Variants in EPB41L1 observed in about 807,000 individuals in gnomAD.
EPB41L1 encodes band 4.1-like protein 1.
EPB41L1 carries 29 observed loss-of-function variants against 97.8 expected under a neutral mutation model. That is an observed-to-expected ratio of 0.30 (90% CI 0.22 to 0.40). EPB41L1 has a LOEUF of 0.40. Ranked by LOEUF, EPB41L1 falls within the 10% of genes least tolerant of loss-of-function variation. EPB41L1 has a pLI of 1.00. For synonymous variants in EPB41L1, 383 were observed against 459.2 expected (o/e 0.83, Z 2.12); for missense variants, 812 against 1,162.3 (o/e 0.70, Z 4.38).
rs1320061751 is a variant in EPB41L1, at chr20:36,188,635, CACACACAGAGAGAG to C, written c.1026+138_1026+151del. 5.7e-5 allele frequency: 30 copies of C among 529,044 alleles called. No homozygotes were observed. In the African/African-American group the frequency reaches 9.2e-4, roughly 16 times the overall value. 32.8% of individuals were successfully genotyped at this position (529,044 alleles called of 1,614,324 possible). ...ACACACACACACACACACACACACA[CACACACAGAGAGAG>C]AGAGAGAGAGAGAGAGAGAGGAGTC... On this transcript the variant is annotated intron_variant, in intron 9 of 21. Coordinates refer to ENST00000338074, the MANE Select transcript of EPB41L1 (RefSeq NM_012156.2).
In EPB41L1 at chr20:36,190,427, G is replaced by A; in HGVS notation, c.1124+53G>A. 1 of 1,589,756 alleles carries A rather than the reference G, an allele frequency of 6.3e-7. No individual in the cohort carries two copies. Among genetic ancestry groups the A allele is most frequent in the South Asian group, 1.1e-5 (1 of 89,396 alleles). On this transcript the variant is annotated intron_variant, in intron 10 of 21. Transcript: ENST00000338074. The surrounding 1 kb of genome is among the most constrained non-coding windows in gnomAD (Gnocchi z 5.8). ...GGGATGGGGCAGAGGCCATGTGTATGGAGGGGAGCAGGGGGAGGAGTTAGT... is the reference window on the plus strand; with the variant it reads ...GGGATGGGGCAGAGGCCATGTGTATAGAGGGGAGCAGGGGGAGGAGTTAGT...
intron 19 of EPB41L1, among the ~76,000 whole-genome samples, chr20:36,221,305 A>G (rs2063766938): frequency 6.6e-6 from 1 of 152,228 alleles, no homozygotes; most frequent in Non-Finnish European, 1.5e-5. Context: ...TTTCTCTTGT[A>G]GTATTTTTTG....
At chr20:36,123,709 G>A (rs1904322003) in intron 2 of EPB41L1, among the ~76,000 whole-genome samples, 1 of 152,332 alleles carries the variant, frequency 6.6e-6, no homozygotes, top group East Asian at 1.9e-4. Context: ...TTGGATTATA[G>A]GAGTGAGCCA....
rs1296007361 is a variant in EPB41L1 at position 36,207,449 on chromosome 20, AC to A, written c.1669-2038del. 5.4e-6 allele frequency: 7 copies of A among 1,289,684 alleles called. No homozygotes were observed. The Admixed American group carries it at 6.9e-5, about 13-fold the overall frequency. 79.9% of individuals were successfully genotyped at this position (1,289,684 alleles called of 1,614,324 possible). The stretch of plus-strand genomic sequence containing the variant: ...GATATTAGCAAGACCTCAGTGGCCA[AC>A]AAAATTCGGATATTTGAGACCCACG... On this transcript the variant is annotated intron_variant, in intron 14 of 21. Coordinates refer to ENST00000338074, the MANE Select transcript of EPB41L1 (RefSeq NM_012156.2). This position sits in a 1 kb window ranked among gnomAD's most constrained non-coding sequence, Gnocchi z 4.9.
chr20:36,194,133 G>A, intron 11 of EPB41L1, 79 bp from the exon 12 acceptor site: 1 of 1,592,960 alleles, frequency 6.3e-7, no homozygotes, highest in Non-Finnish European at 8.6e-7. Context: ...AGGCGTGGTT[G>A]GGCAGGGCTG....
chr20:36,105,910 T>C (rs2058174934), intron 1 of EPB41L1, among the ~76,000 whole-genome samples: 1 of 152,162 alleles, frequency 6.6e-6, no homozygotes, highest in African/African-American at 2.4e-5. Flanking sequence ...TTTTCCCTAT[T>C]CTGGAATCTG....
chr20:36,229,650 G>GA lies in EPB41L1; in HGVS notation c.*318dup, dbSNP rs1292421516. The GA allele has an allele frequency of 2.6e-5, 7 of 270,270 alleles. No individual in the cohort carries two copies. Among genetic ancestry groups the GA allele is most frequent in the South Asian group, 1.1e-4 (1 of 9,182 alleles). The allele number at this position is 270,270 out of a possible 1,614,324, so 16.7% of individuals were successfully genotyped here. On this transcript the variant is annotated 3_prime_UTR_variant, in exon 22 of 22. Coordinates refer to ENST00000338074, the MANE Select transcript of EPB41L1 (RefSeq NM_012156.2). ...GAAGAACTGGTGGGATTTTTTTCAA[G>GA]AAAAAAAATTATATAATAACTATAA...
At position 36,206,572 on chromosome 20, in the gene EPB41L1, A is replaced by G; in HGVS notation, c.1669-2916A>G. On this transcript the variant is annotated intron_variant, in intron 14 of 21. Coordinates refer to ENST00000338074, the MANE Select transcript of EPB41L1 (RefSeq NM_012156.2). This position sits in a 1 kb window ranked among gnomAD's most constrained non-coding sequence, Gnocchi z 5.5. ...GGATGCCCCTCCCGGAGGTGAGCCC[A>G]GGCCGACGCTGAATTCCTTAGACCT... 1 of 1,289,882 alleles carries G rather than the reference A, an allele frequency of 7.8e-7. No homozygotes were observed. The highest frequency in any genetic ancestry group is 1.0e-6 in the Non-Finnish European group (1 of 988,878). The allele number at this position is 1,289,882 out of a possible 1,614,324, so 79.9% of individuals were successfully genotyped here. A position where few individuals can be genotyped will look rare whatever the true frequency, so the allele number is the denominator to read the frequency against.
chr20:36,193,059 A>G (rs2062034100), intron 11 of EPB41L1, among the ~76,000 whole-genome samples: 1 of 152,216 alleles, frequency 6.6e-6, no homozygotes, highest in South Asian at 2.1e-4. Flanking sequence ...AGGACTGACA[A>G]CTGGGGTTTA....
chr20:36,222,516 C>G (rs1036366910), intron 21 of EPB41L1, 122 bp downstream of exon 21: 1 of 751,574 alleles, frequency 1.3e-6, no homozygotes, highest in Non-Finnish European at 2.3e-6. Context: ...GACCCTCCCC[C>G]CATCAGCCTT....
chr20:36,200,955 A>G (rs1302226093), intron 14 of EPB41L1: 2 of 456,882 alleles, frequency 4.4e-6, no homozygotes, highest in Admixed American at 2.3e-5. Flanking sequence ...TTCACTCAGA[A>G]AAGCCTCGCA....
chr20:36,194,728 A>T (rs2062109679), intron 12 of EPB41L1, among the ~76,000 whole-genome samples: 1 of 152,294 alleles, frequency 6.6e-6, no homozygotes, highest in African/African-American at 2.4e-5. Context: ...TGTCACCAAC[A>T]GCTCTAGGAG....
intron 1 of EPB41L1, among the ~76,000 whole-genome samples, chr20:36,100,422 A>G (rs558634041): frequency 6.6e-6 from 1 of 152,310 alleles, no homozygotes; most frequent in African/African-American, 2.4e-5. Context: ...GAGGCCACCT[A>G]GAATTAGAAA....
rs1308937521 is a variant in EPB41L1 at position 36,209,656 on chromosome 20, A to G, written c.1837A>G (p.Thr613Ala). Reference protein sequence around the residue: ...RKCSSITVSSTSSLEAEVDFT... With the variant: ...RKCSSITVSSASSLEAEVDFT... ...GTGCTCCAGCATCACGGTCAGCTCTACGTCTAGCCTGGAGGCTGAGGTGGA... is the reference window on the plus strand; with the variant it reads ...GTGCTCCAGCATCACGGTCAGCTCTGCGTCTAGCCTGGAGGCTGAGGTGGA... The change falls in exon 15 of 22, where the codon ACG becomes GCG. Residue 613 changes from threonine (T) to alanine (A), a missense_variant. Transcript: ENST00000338074. This position sits in a 1 kb window ranked among gnomAD's most constrained non-coding sequence, Gnocchi z 4.2. 4 of 1,614,060 alleles carry G rather than the reference A, an allele frequency of 2.5e-6. No individual in the cohort carries two copies. The highest frequency in any genetic ancestry group is 3.4e-6 in the Non-Finnish European group (4 of 1,180,034).
At position 36,207,823 on chromosome 20, in the gene EPB41L1, C is replaced by T; in HGVS notation, c.1669-1665C>T. 7.9e-7 allele frequency: 1 copy of T among 1,264,202 alleles called. No individual in the cohort carries two copies. Among genetic ancestry groups the T allele is most frequent in the Non-Finnish European group, 1.0e-6 (1 of 974,944 alleles). 78.3% of individuals were successfully genotyped at this position (1,264,202 alleles called of 1,614,324 possible). A position where few individuals can be genotyped will look rare whatever the true frequency, so the allele number is the denominator to read the frequency against. ...CCCCCGCCCCCACCGCTGCTCCCCG[C>T]CCATGGGGGCTGGCCGCATGCTCTG... On this transcript the variant is annotated intron_variant, in intron 14 of 21. Coordinates refer to ENST00000338074, the MANE Select transcript of EPB41L1 (RefSeq NM_012156.2). This position sits in a 1 kb window ranked among gnomAD's most constrained non-coding sequence, Gnocchi z 4.9.
At position 36,167,097 on chromosome 20, in the gene EPB41L1, A is replaced by C. The variant is rs957439004; in HGVS notation, c.-14-6667A>C. On this transcript the variant is annotated intron_variant, in intron 1 of 21. Transcript: ENST00000338074. ...TGTAACCAAAAAAACAGGGGAAAGG[A>C]CCTAAATAAATTAGACAGGGTGGTC... is the stretch of plus-strand genomic sequence containing the variant. 2.0e-5 allele frequency among the ~76,000 whole-genome samples: 3 copies of C among 152,202 alleles called. No individual in the cohort carries two copies. In the East Asian group the frequency reaches 5.8e-4, roughly 29 times the overall value.
At chr20:36,163,664 G>T (rs181770391) in intron 1 of EPB41L1, among the ~76,000 whole-genome samples, 4 of 152,284 alleles carry the variant, frequency 2.6e-5, no homozygotes, top group Admixed American at 2.6e-4. Flanking sequence ...AACTAACAGT[G>T]ACAGAAGGCA....
intron 17 of EPB41L1, among the ~76,000 whole-genome samples, chr20:36,216,075 C>T (rs906676912): frequency 6.6e-6 from 1 of 152,166 alleles, no homozygotes; most frequent in Non-Finnish European, 1.5e-5. Flanking sequence ...CAGTGCCTGG[C>T]GCATAATAAG....
chr20:36,102,948 G>A (rs938715717), intron 1 of EPB41L1, among the ~76,000 whole-genome samples: 3 of 152,138 alleles, frequency 2.0e-5, no homozygotes, highest in African/African-American at 7.2e-5. Context: ...TGCTTCCTAT[G>A]TCTTTGCCCT....
Sources: allele counts gnomAD v4.1 joint callset (sites outside exome capture counted in the v4.1 genomes callset), GRCh38; gene constraint gnomAD v4.1.1; non-coding constraint Gnocchi (gnomAD v3.1); transcripts MANE v1.5; gene names NCBI Gene and HGNC (gene_info 2026-07-23, HGNC 2026-07-21).